Variants in PDE1A observed in about 807,000 individuals in gnomAD.
PDE1A encodes phosphodiesterase 1A, also known as dual specificity calcium/calmodulin-dependent 3',5'-cyclic nucleotide phosphodiesterase 1A.
PDE1A carries 35 observed loss-of-function variants against 61.7 expected under a neutral mutation model. The observed-to-expected ratio is 0.57, with a 90% confidence interval of 0.43 to 0.75. The LOEUF is 0.75. Among genes scored for constraint, PDE1A ranks in the 30% least tolerant of loss-of-function variants. The probability of loss-of-function intolerance (pLI) is 0.00; values close to 1 mark genes in which losing one functional copy is unlikely to be tolerated. For missense variants in PDE1A, 597 were observed against 630.6 expected (o/e 0.95, Z 0.57); for synonymous variants, 232 against 213.2 (o/e 1.09, Z -0.77).
chr2:182,265,682 C>G (rs1448604343), intron 1 of PDE1A, among the ~76,000 whole-genome samples: 3 of 152,080 alleles, frequency 2.0e-5, no homozygotes, highest in Non-Finnish European at 4.4e-5. Flanking sequence ...ATTACCTTAA[C>G]AAGTTTGTAA....
At chr2:182,201,547 G>C in exon 10 of PDE1A, 1 of 1,612,926 alleles carries the variant, frequency 6.2e-7, no homozygotes, top group Non-Finnish European at 8.5e-7. Context: ...ACATGGTTTT[G>C]GCTCTGTCAA....
the PDE1A span, among the ~76,000 whole-genome samples, chr2:182,608,293 C>G: frequency 6.6e-6 from 1 of 152,256 alleles, no homozygotes; most frequent in African/African-American, 2.4e-5. Flanking sequence ...TCTGACCTAC[C>G]TTGTTTGACT....
At chr2:182,402,157 G>A (rs1216942900) in intron 1 of PDE1A, among the ~76,000 whole-genome samples, 1 of 152,098 alleles carries the variant, frequency 6.6e-6, no homozygotes, top group Non-Finnish European at 1.5e-5. Context: ...TTTCTTCAGA[G>A]AGTTAGAAAA....
chr2:182,208,534 A>C (rs895051518), intron 7 of PDE1A, among the ~76,000 whole-genome samples: 1 of 152,194 alleles, frequency 6.6e-6, no homozygotes, highest in Non-Finnish European at 1.5e-5. Flanking sequence ...ACACGGAGCC[A>C]AACCATATCA....
At chr2:182,188,423 C>T (rs1685421841) in intron 11 of PDE1A, among the ~76,000 whole-genome samples, 1 of 152,164 alleles carries the variant, frequency 6.6e-6, no homozygotes. Flanking sequence ...TTGAGCCATG[C>T]AACACATGTT....
At chr2:182,298,246 G>A (rs925247307) in intron 1 of PDE1A, among the ~76,000 whole-genome samples, 13 of 152,144 alleles carry the variant, frequency 8.5e-5, no homozygotes, top group Non-Finnish European at 1.3e-4. Flanking sequence ...GAAATTGGGC[G>A]GCTGTTGATA....
intron 2 of PDE1A, among the ~76,000 whole-genome samples, chr2:182,447,483 G>C (rs1294056614): frequency 6.6e-6 from 1 of 152,070 alleles, no homozygotes. Flanking sequence ...AAGTAAAGAG[G>C]AATAGAAGAA....
the PDE1A span, among the ~76,000 whole-genome samples, chr2:182,572,643 G>T: frequency 6.6e-6 from 1 of 152,050 alleles, no homozygotes; most frequent in African/African-American, 2.4e-5. Context: ...AGCTGAGGCG[G>T]GCGGATCACG....
chr2:182,614,731 AT>A, the PDE1A span, among the ~76,000 whole-genome samples: 3 of 151,890 alleles, frequency 2.0e-5, no homozygotes, highest in African/African-American at 7.3e-5. Context: ...CCAATTTTGT[AT>A]TTTTAGTAGA....
At chr2:182,210,567 G>A (rs1416840905) in intron 7 of PDE1A, among the ~76,000 whole-genome samples, 2 of 152,094 alleles carry the variant, frequency 1.3e-5, no homozygotes, top group South Asian at 2.1e-4. Context: ...TTTATCAGAT[G>A]TTCTTTGCAA....
At chr2:182,257,065 A>G (rs916621881) in intron 2 of PDE1A, among the ~76,000 whole-genome samples, 3 of 152,164 alleles carry the variant, frequency 2.0e-5, no homozygotes, top group East Asian at 1.9e-4. Flanking sequence ...TACCCTTTTC[A>G]GTAACCCTGC....
At chr2:182,152,033 A>C (rs1690806390) in intron 13 of PDE1A, among the ~76,000 whole-genome samples, 1 of 152,202 alleles carries the variant, frequency 6.6e-6, no homozygotes. Context: ...AGCAATAATA[A>C]ATGGTGTTTG....
At chr2:182,492,056 T>C (rs1688427570) in intron 2 of PDE1A, among the ~76,000 whole-genome samples, 1 of 152,120 alleles carries the variant, frequency 6.6e-6, no homozygotes, top group Admixed American at 6.5e-5. Context: ...TTTTAGAGGC[T>C]AGTCTGATCA....
chr2:182,676,954 C>T, the PDE1A span, among the ~76,000 whole-genome samples: 1 of 152,134 alleles, frequency 6.6e-6, no homozygotes, highest in Admixed American at 6.5e-5. Flanking sequence ...CCACAGCCAA[C>T]ATCATACTGA....
the PDE1A span, among the ~76,000 whole-genome samples, chr2:182,597,790 C>T: frequency 2.0e-5 from 3 of 152,300 alleles, no homozygotes; most frequent in Admixed American, 6.5e-5. Context: ...ACAACAACTG[C>T]GGATGGTGAA....
chr2:182,675,773 T>C, the PDE1A span, among the ~76,000 whole-genome samples: 1 of 152,178 alleles, frequency 6.6e-6, no homozygotes, highest in Admixed American at 6.5e-5. Flanking sequence ...AAGTGTCTGT[T>C]CATGTTTTTT....
At chr2:182,367,770 T>A (rs1699917207) in intron 1 of PDE1A, among the ~76,000 whole-genome samples, 1 of 152,114 alleles carries the variant, frequency 6.6e-6, no homozygotes, top group Non-Finnish European at 1.5e-5. Flanking sequence ...TGCCTTAATA[T>A]ATAATTTTTA....
intron 13 of PDE1A, among the ~76,000 whole-genome samples, chr2:182,151,792 A>C (rs1445240840): frequency 6.6e-6 from 1 of 152,234 alleles, no homozygotes; most frequent in Non-Finnish European, 1.5e-5. Flanking sequence ...GATATAAAAA[A>C]CAAAATGATT....
chr2:182,648,489 A>G, the PDE1A span, among the ~76,000 whole-genome samples: 1 of 139,780 alleles, frequency 7.2e-6, no homozygotes, highest in East Asian at 2.1e-4. Context: ...TGGACAACAG[A>G]GCAAGCAAGA....
Sources: allele counts gnomAD v4.1 joint callset (sites outside exome capture counted in the v4.1 genomes callset), GRCh38; gene constraint gnomAD v4.1.1; transcripts MANE v1.5; gene names NCBI Gene and HGNC (gene_info 2026-07-23, HGNC 2026-07-21).